GPR108: variants seen among roughly 807,000 people sequenced by gnomAD.
The protein encoded by GPR108 is protein GPR108.
In GPR108, 60 loss-of-function variants were observed where a neutral mutation model predicts 74.3. The ratio of observed to expected loss-of-function variants is 0.81; its 90% CI spans 0.66 to 1.00. GPR108 has a LOEUF of 1.00. Ranked by LOEUF, GPR108 falls within the 50% of genes least tolerant of loss-of-function variation. GPR108 has a pLI of 0.00. For synonymous variants in GPR108, 311 were observed against 292.4 expected, an observed-to-expected ratio of 1.06 and a Z score of -0.65; for missense variants, 667 against 703.3, an observed-to-expected ratio of 0.95 and a Z score of 0.58.
rs757825209 is a variant in GPR108, at chr19:6,732,143, C to G, written c.1138G>C (p.Val380Leu). ...CGGGACTCGATGATGATGTAGGCCA[C>G]GTTGGCCAGGACCTGCGCAGGCGGC... ...IVIPMQVLAN[V>L]AYIIIESREE... Residue 380 changes from valine (V) to leucine (L), a missense_variant, in exon 13 of 18, where the codon GTG becomes CTG. Val to Leu is a conservative substitution (Grantham distance 32). Transcript: ENST00000264080. 1.2e-6 allele frequency: 2 copies of G among 1,613,474 alleles called. No individual in the cohort carries two copies. Among genetic ancestry groups the G allele is most frequent in the Non-Finnish European group, 1.7e-6 (2 of 1,179,936 alleles).
chr19:6,735,738 T>C, intron 3 of GPR108, 34 bp from the exon 4 acceptor site: 1 of 1,592,768 alleles, frequency 6.3e-7, no homozygotes, highest in Non-Finnish European at 8.6e-7. Flanking sequence ...GAGTCTTGGT[T>C]ACTCCTCTCC....
In GPR108 at chr19:6,734,006, T is replaced by C. The variant is rs1418671765; in HGVS notation, c.548A>G (p.Gln183Arg). ...SKPKSTPAVI[Q>R]GPSGKDKDLV... is the part of the protein sequence containing the mutation. ...CCTCCTGCCCCGCCTCCCCGAAACC[T>C]GAATCACTGCGGGTGTTGACTTGGG... Residue 183 changes from glutamine (Q) to arginine (R), a missense_variant and splice_region_variant, in exon 6 of 18, where the codon CAG becomes CGG. Gln to Arg is a conservative substitution (Grantham distance 43). Coordinates refer to ENST00000264080, the MANE Select transcript of GPR108 (RefSeq NM_001080452.2). The C allele has an allele frequency of 2.5e-6, 4 of 1,614,120 alleles. No individual in the cohort carries two copies.
intron 17 of GPR108, chr19:6,730,698 G>GCCCCCCCCC: frequency 1.9e-6 from 1 of 539,844 alleles, no homozygotes. Flanking sequence ...AACTACCTAG[G>GCCCCCCCCC]CCCCGCCCAC....
intron 10 of GPR108, 105 bp from the exon 11 acceptor site, chr19:6,732,654 T>C (rs1400745187): frequency 9.0e-6 from 8 of 891,950 alleles, no homozygotes; most frequent in African/African-American, 3.3e-5. Context: ...AGATGGGTGG[T>C]CAGAAAGTTG....
In GPR108 at chr19:6,733,222, G is replaced by C. The variant is rs1414869875; in HGVS notation, c.803C>G (p.Ser268Cys). The change falls in exon 9 of 18, where the codon TCC (serine) becomes TGC (cysteine). Residue 268 changes from serine (S) to cysteine (C), a missense_variant. Transcript: ENST00000264080. ...GATGCCAGCGGCCAGGAAGCAGGCG[G>C]ACATGACCATGTAGAGCTTGAAAAG... Reference protein sequence around the residue: ...MPLFKLYMVMSACFLAAGIFW... With the variant: ...MPLFKLYMVMCACFLAAGIFW... 1 of 1,614,064 alleles carries C rather than the reference G, an allele frequency of 6.2e-7. No individual in the cohort carries two copies. Among genetic ancestry groups the C allele is most frequent in the Non-Finnish European group, 8.5e-7 (1 of 1,180,030 alleles).
chr19:6,736,958 G>C (rs1286909911), intron 1 of GPR108: 2 of 525,770 alleles, frequency 3.8e-6, no homozygotes, highest in Non-Finnish European at 6.8e-6. Context: ...CTCCCCACTG[G>C]GGTGAGCACC....
chr19:6,733,160 G>A lies in GPR108; in HGVS notation c.857+8C>T, dbSNP rs754246004. The stretch of plus-strand genomic sequence containing the variant: ...GACGTGGGGGACCCTCAGGGGCAGG[G>A]GCATTACGTGTTCCTGCAGAGGATG... On this transcript the variant is annotated splice_region_variant and intron_variant, in intron 9 of 17. Coordinates refer to ENST00000264080, the MANE Select transcript of GPR108 (RefSeq NM_001080452.2). 4 of 1,613,896 alleles carry A rather than the reference G, an allele frequency of 2.5e-6. No individual in the cohort carries two copies. Among genetic ancestry groups the A allele is most frequent in the Admixed American group, 1.7e-5 (1 of 60,000 alleles).
intron 1 of GPR108, 121 bp downstream of exon 1, chr19:6,737,336 G>A: frequency 3.2e-6 from 4 of 1,259,216 alleles, no homozygotes; most frequent in Non-Finnish European, 4.2e-6. Context: ...GAAACGGGGG[G>A]CGCCGGACCA....
chr19:6,734,947 C>T (rs1298334860), intron 4 of GPR108, among the ~76,000 whole-genome samples: 4 of 151,732 alleles, frequency 2.6e-5, no homozygotes, highest in Non-Finnish European at 4.4e-5. Context: ...GCAGTGCAAA[C>T]TTGGTTCACT....
At chr19:6,737,336 G>T in intron 1 of GPR108, 121 bp downstream of exon 1, 2 of 1,259,216 alleles carry the variant, frequency 1.6e-6, no homozygotes, top group Non-Finnish European at 2.1e-6. Context: ...GAAACGGGGG[G>T]CGCCGGACCA....
intron 11 of GPR108, 38 bp from the exon 12 acceptor site, chr19:6,732,418 G>A: frequency 6.2e-7 from 1 of 1,611,160 alleles, no homozygotes; most frequent in Non-Finnish European, 8.5e-7. Flanking sequence ...TGAGGTGGGG[G>A]GCCAACCCTC....
At position 6,734,321 on chromosome 19, in the gene GPR108, G is replaced by A; in HGVS notation, c.375-14C>T. 6.2e-7 allele frequency: 1 copy of A among 1,611,316 alleles called. No individual in the cohort carries two copies. The highest frequency in any genetic ancestry group is 8.5e-7 in the Non-Finnish European group (1 of 1,179,152). On this transcript the variant is annotated splice_polypyrimidine_tract_variant and intron_variant, in intron 4 of 17. Coordinates refer to ENST00000264080, the MANE Select transcript of GPR108 (RefSeq NM_001080452.2). ...CGCACCTGGACCCTGGGGTGAGGGT[G>A]GGGTGGGGCATGAGGCTGGGGGGCT...
intron 1 of GPR108, chr19:6,737,213 CCAAGA>C: frequency 1.9e-6 from 1 of 535,712 alleles, no homozygotes; most frequent in Non-Finnish European, 3.3e-6. Context: ...GGTGTAGTCC[CCAAGA>C]GATGGAGCCT....
At chr19:6,733,796 TC>T (rs1388248045) in intron 7 of GPR108, 48 bp downstream of exon 7, 1 of 1,602,984 alleles carries the variant, frequency 6.2e-7, no homozygotes, top group African/African-American at 1.3e-5. Flanking sequence ...AGCTTGGGGG[TC>T]CCGTGCTCTG....
Position 6,737,523 on chromosome 19 carries a change from C to A in GPR108, c.54G>T (p.Gly18=), listed in dbSNP as rs755418138. Residue 18 remains glycine, a synonymous_variant, in exon 1 of 18, where the codon GGG becomes GGT. Coordinates refer to ENST00000264080, the MANE Select transcript of GPR108 (RefSeq NM_001080452.2). ...GCAGCAGCACCAGAAGTAGCCGCTG[C>A]CCCCACTCCGCGGGGCTCCCGCGGC... ...GLGRGSPAEW[G]QRLLLVLLLG... The A allele has an allele frequency of 1.9e-6, 3 of 1,571,082 alleles. No individual in the cohort carries two copies. Among genetic ancestry groups the A allele is most frequent in the Non-Finnish European group, 2.6e-6 (3 of 1,165,858 alleles).
chr19:6,733,505 C>T (rs1451133397), intron 8 of GPR108, 65 bp downstream of exon 8: 13 of 1,509,962 alleles, frequency 8.6e-6, no homozygotes, highest in African/African-American at 2.7e-5. Flanking sequence ...CGGGGTGAGG[C>T]ACTCTGGGCC....
intron 17 of GPR108, 94 bp downstream of exon 17, chr19:6,730,893 A>T: frequency 8.0e-7 from 1 of 1,247,544 alleles, no homozygotes; most frequent in Non-Finnish European, 1.1e-6. Context: ...CAGGGCTGCT[A>T]CAGTCCCTCC....
Position 6,730,330 on chromosome 19 carries a change from G to A in GPR108, c.1614C>T (p.Ser538=), listed in dbSNP as rs373134366. The A allele has an allele frequency of 3.4e-5, 55 of 1,613,614 alleles. No homozygotes were observed. Among genetic ancestry groups the A allele is most frequent in the Non-Finnish European group, 4.4e-5 (52 of 1,179,798 alleles). Reference sequence around the variant, plus strand: ...GAGGTGATCATAACAGTTCCCGCCCGCTGGCTGTTTTGTTGACTTTGGAGA... The same window carrying A: ...GAGGTGATCATAACAGTTCCCGCCCACTGGCTGTTTTGTTGACTTTGGAGA... ...EGLSKVNKTA[S]GRELL The change falls in exon 18 of 18, where the codon AGC becomes AGT. Residue 538 remains serine, a synonymous_variant. Transcript: ENST00000264080.
Position 6,731,025 on chromosome 19 carries a change from C to T in GPR108, c.1521G>A (p.Leu507=), listed in dbSNP as rs1181924838. 2 of 1,613,464 alleles carry T rather than the reference C, an allele frequency of 1.2e-6. No individual in the cohort carries two copies. The highest frequency in any genetic ancestry group is 1.3e-5 in the African/African-American group (1 of 74,968). ...GAACATCCTCCTCGTCCTCCTGGGGCAGCTGCAGGTACGGGTTGTTTCCTG... is the reference window on the plus strand; with the variant it reads ...GAACATCCTCCTCGTCCTCCTGGGGTAGCTGCAGGTACGGGTTGTTTCCTG... ...QPTGNNPYLQ[L]PQEDEEDVQM... Residue 507 remains leucine, a synonymous_variant, in exon 17 of 18, where the codon CTG becomes CTA. Coordinates refer to ENST00000264080, the MANE Select transcript of GPR108 (RefSeq NM_001080452.2).
Sources: allele counts gnomAD v4.1 joint callset (sites outside exome capture counted in the v4.1 genomes callset), GRCh38; gene constraint gnomAD v4.1.1; transcripts MANE v1.5; gene names NCBI Gene and HGNC (gene_info 2026-07-23, HGNC 2026-07-21).